AK5: variants seen among roughly 807,000 people sequenced by gnomAD.
AK5 encodes the protein adenylate kinase isoenzyme 5.
In AK5, 27 loss-of-function variants were observed where a neutral mutation model predicts 69.5. The ratio of observed to expected loss-of-function variants is 0.39; its 90% CI spans 0.29 to 0.54. AK5 has a LOEUF of 0.54. AK5 is among the 20% of genes least tolerant of loss of function. The pLI, the probability that AK5 is intolerant of heterozygous loss-of-function variation, is 0.71. For missense variants in AK5, 531 were observed against 700.4 expected (o/e 0.76, Z 2.73); for synonymous variants, 260 against 244.4 (o/e 1.06, Z -0.60).
chr1:77,416,450 G>T (rs1650434019), intron 7 of AK5, among the ~76,000 whole-genome samples: 1 of 152,076 alleles, frequency 6.6e-6, no homozygotes, highest in Admixed American at 6.5e-5. Context: ...ATGGTTTGAT[G>T]GTTTAGTATG....
chr1:77,420,299 A>G (rs1484529433), intron 8 of AK5: 1 of 152,158 alleles, frequency 6.6e-6, no homozygotes, highest in Non-Finnish European at 1.5e-5. Flanking sequence ...ATGGAAGAGA[A>G]AACTAAAATA....
chr1:77,483,288 A>G (rs1339778675), intron 8 of AK5, 29 bp from the exon 9 acceptor site: 1 of 1,561,104 alleles, frequency 6.4e-7, no homozygotes, highest in East Asian at 2.2e-5. Context: ...TGCTGTTATT[A>G]TTATCTAATA....
chr1:77,518,242 G>A (rs1657776737), intron 10 of AK5, among the ~76,000 whole-genome samples: 1 of 152,136 alleles, frequency 6.6e-6, no homozygotes, highest in Non-Finnish European at 1.5e-5. Context: ...CCTCCTCTGT[G>A]CCCCGATAGT....
At chr1:77,470,428 C>T (rs1370198234) in intron 8 of AK5, among the ~76,000 whole-genome samples, 2 of 152,156 alleles carry the variant, frequency 1.3e-5, no homozygotes, top group Admixed American at 6.6e-5. Flanking sequence ...TCACTTGAGC[C>T]TGGGAGGCGG....
rs181205313 is a variant in AK5 at position 77,332,625 on chromosome 1, T to G, written c.700-7752T>G. On this transcript the variant is annotated intron_variant, in intron 5 of 13. Transcript: ENST00000354567. ...TTTGATTATTTATTTATTTATTTATTTATTTATTTTTATTATTTATGCCGA... is the reference window on the plus strand; with the variant it reads ...TTTGATTATTTATTTATTTATTTATGTATTTATTTTTATTATTTATGCCGA... 7.7e-3 allele frequency among the ~76,000 whole-genome samples: 1,162 copies of G among 149,942 alleles called. 17 individuals carry two copies. Among genetic ancestry groups the G allele is most frequent in the African/African-American group, 0.027 (1,106 of 40,640 alleles).
At chr1:77,331,838 A>G (rs1207803006) in intron 5 of AK5, among the ~76,000 whole-genome samples, 2 of 152,138 alleles carry the variant, frequency 1.3e-5, no homozygotes, top group Non-Finnish European at 1.5e-5. Flanking sequence ...TGTTTTTGTG[A>G]GAGTTTTGAA....
At chr1:77,412,539 C>G (rs1331034328) in intron 7 of AK5, among the ~76,000 whole-genome samples, 3 of 152,192 alleles carry the variant, frequency 2.0e-5, no homozygotes, top group Non-Finnish European at 4.4e-5. Context: ...GTGCAGTAAA[C>G]TAGAAGTAAA....
At chr1:77,291,739 G>A (rs2602948) in intron 2 of AK5, among the ~76,000 whole-genome samples, 22,932 of 152,154 alleles carry the variant, frequency 0.15, 2,193 homozygotes, top group Non-Finnish European at 0.2. Flanking sequence ...GCTCCAGACC[G>A]TAGGTAAGGC....
At chr1:77,391,495 G>GTGTGTATGTATATATATA (rs1425180466) in intron 6 of AK5, among the ~76,000 whole-genome samples, 1 of 63,452 alleles carries the variant, frequency 1.6e-5, no homozygotes, top group African/African-American at 5.3e-5. Flanking sequence ...GTGTGTGTGT[G>GTGTGTATGTATATATATA]TATATATATA....
At chr1:77,322,440 T>C (rs1028667809) in intron 5 of AK5, among the ~76,000 whole-genome samples, 2 of 152,196 alleles carry the variant, frequency 1.3e-5, no homozygotes, top group African/African-American at 2.4e-5. Flanking sequence ...CTCTGGGGGT[T>C]GCTGAGTCAT....
chr1:77,292,600 G>A (rs1251078811), intron 2 of AK5, among the ~76,000 whole-genome samples: 1 of 152,182 alleles, frequency 6.6e-6, no homozygotes, highest in Non-Finnish European at 1.5e-5. Flanking sequence ...GTAAAGAAGA[G>A]GGAGCCATAA....
intron 8 of AK5, among the ~76,000 whole-genome samples, chr1:77,465,890 A>G (rs1225338350): frequency 1.3e-5 from 2 of 152,102 alleles, no homozygotes; most frequent in Non-Finnish European, 2.9e-5. Flanking sequence ...CTTAGTAGCC[A>G]CCCTCTGGAG....
At chr1:77,456,948 G>T (rs1174565148) in intron 8 of AK5, among the ~76,000 whole-genome samples, 1 of 151,490 alleles carries the variant, frequency 6.6e-6, no homozygotes, top group Non-Finnish European at 1.5e-5. Flanking sequence ...TCAATGGGAG[G>T]TACATTTTCT....
intron 13 of AK5, among the ~76,000 whole-genome samples, chr1:77,551,280 A>G (rs962542342): frequency 6.6e-6 from 1 of 152,028 alleles, no homozygotes; most frequent in Non-Finnish European, 1.5e-5. Context: ...TGCCTCACTG[A>G]CTTTATTCTC....
chr1:77,349,765 A>T (rs1177344499), intron 6 of AK5, among the ~76,000 whole-genome samples: 2 of 152,174 alleles, frequency 1.3e-5, no homozygotes, highest in Admixed American at 1.3e-4. Flanking sequence ...TGGACCTTGT[A>T]TTTTTGTTTA....
intron 6 of AK5, among the ~76,000 whole-genome samples, chr1:77,410,151 T>C (rs1649939530): frequency 6.6e-6 from 1 of 152,114 alleles, no homozygotes; most frequent in African/African-American, 2.4e-5. Context: ...TTGTAAATTT[T>C]AGAGAATTAT....
At chr1:77,549,523 G>T (rs1659713083) in intron 13 of AK5, among the ~76,000 whole-genome samples, 1 of 151,864 alleles carries the variant, frequency 6.6e-6, no homozygotes, top group African/African-American at 2.4e-5. Context: ...TTACCCTCTT[G>T]TGCTATCAAA....
chr1:77,439,226 A>G (rs1337131926), intron 8 of AK5, among the ~76,000 whole-genome samples: 4 of 152,206 alleles, frequency 2.6e-5, no homozygotes, highest in Non-Finnish European at 1.5e-5. Context: ...ATCTATGTGC[A>G]TATTTAGGGA....
At chr1:77,476,990 GA>G (rs1654979151) in intron 8 of AK5, among the ~76,000 whole-genome samples, 1 of 140,532 alleles carries the variant, frequency 7.1e-6, no homozygotes, top group African/African-American at 2.6e-5. Flanking sequence ...ATCTATTTTT[GA>G]TTGTTCTTTT....
Sources: gnomAD v4.1 joint callset for allele counts (sites outside exome capture counted in the v4.1 genomes callset) on GRCh38, gnomAD v4.1.1 for gene constraint, MANE v1.5 for transcripts, NCBI Gene and HGNC (gene_info 2026-07-23, HGNC 2026-07-21) for gene names.